Variants in RFTN1 observed in about 807,000 individuals in gnomAD.
RFTN1 encodes the protein raftlin.
In RFTN1, 26 loss-of-function variants were observed where a neutral mutation model predicts 46.5. The observed-to-expected ratio is 0.56, with a 90% CI of 0.41 to 0.78. RFTN1 has a LOEUF of 0.78. Ranked by LOEUF, RFTN1 falls within the 30% of genes least tolerant of loss-of-function variation. The probability of loss-of-function intolerance (pLI) is 0.00; values close to 1 mark genes in which losing one functional copy is unlikely to be tolerated. For synonymous variants in RFTN1, 261 were observed against 284.2 expected (o/e 0.92, Z 0.82); for missense variants, 693 against 718.7 (o/e 0.96, Z 0.41).
At chr3:16,445,964 TG>T (rs1203744571) in intron 2 of RFTN1, among the ~76,000 whole-genome samples, 2 of 151,848 alleles carry the variant, frequency 1.3e-5, no homozygotes, top group Non-Finnish European at 2.9e-5. Flanking sequence ...TAATTTCCAC[TG>T]GGCCAGAACC....
rs952977866 is a variant in RFTN1, at chr3:16,356,631, C to T, written c.1146+1301G>A. Among the ~76,000 whole-genome samples, 1 of 152,240 alleles carries T rather than the reference C, an allele frequency of 6.6e-6. No homozygotes were observed. The highest frequency in any genetic ancestry group is 1.5e-5 in the Non-Finnish European group (1 of 68,046). On this transcript the variant is annotated intron_variant, in intron 7 of 9. Coordinates refer to ENST00000334133, the MANE Select transcript of RFTN1 (RefSeq NM_015150.2). The surrounding 1 kb of genome is among the most constrained non-coding windows in gnomAD (Gnocchi z 4.9). Reference sequence around the variant, plus strand: ...ACTTCAATAACCAGGCAAGGGACTGCCTCAAGGCTGCAGTTCTGGCAGGCA... The same window carrying T: ...ACTTCAATAACCAGGCAAGGGACTGTCTCAAGGCTGCAGTTCTGGCAGGCA...
At position 16,327,653 on chromosome 3, in the gene RFTN1, C is replaced by T. The variant is rs948520647; in HGVS notation, c.1147-777G>A. ...GCGGGCGCCTGTAGTCCCAGCTACT[C>T]GGGAGGCTGAGGCAGGAGAATGGCG... On this transcript the variant is annotated intron_variant, in intron 7 of 9. Transcript: ENST00000334133. This position sits in a 1 kb window ranked among gnomAD's most constrained non-coding sequence, Gnocchi z 4.2. Among the ~76,000 whole-genome samples the T allele has an allele frequency of 4.0e-5, 6 of 151,604 alleles. No individual in the cohort carries two copies. The highest frequency in any genetic ancestry group is 3.9e-4 in the East Asian group (2 of 5,154).
At chr3:16,331,159 G>A (rs2070269612) in intron 7 of RFTN1, among the ~76,000 whole-genome samples, 2 of 152,182 alleles carry the variant, frequency 1.3e-5, no homozygotes, top group African/African-American at 2.4e-5. Flanking sequence ...CTGAGACCTT[G>A]CCTTTCACCA....
At chr3:16,462,501 C>T (rs1274182123) in intron 2 of RFTN1, among the ~76,000 whole-genome samples, 1 of 152,152 alleles carries the variant, frequency 6.6e-6, no homozygotes, top group Non-Finnish European at 1.5e-5. Flanking sequence ...CAGACAGGCA[C>T]AGAGAGTTTT....
chr3:16,397,593 G>GTT (rs1335309035), intron 4 of RFTN1, among the ~76,000 whole-genome samples: 2 of 152,066 alleles, frequency 1.3e-5, no homozygotes, highest in Non-Finnish European at 2.9e-5. Context: ...CCTTAAATAT[G>GTT]TACAATAAAA....
rs553822663 is a variant in RFTN1 at position 16,422,319 on chromosome 3, T to C, written c.332+11532A>G. Among the ~76,000 whole-genome samples the C allele has an allele frequency of 6.6e-6, 1 of 152,272 alleles. No homozygotes were observed. Among genetic ancestry groups the C allele is most frequent in the East Asian group, 1.9e-4 (1 of 5,194 alleles). On this transcript the variant is annotated intron_variant, in intron 3 of 9. Coordinates refer to ENST00000334133, the MANE Select transcript of RFTN1 (RefSeq NM_015150.2). The surrounding 1 kb of genome is among the most constrained non-coding windows in gnomAD (Gnocchi z 4.6). ...CATGGAAAAATCAACGTACAAAAGT[T>C]ATCAAGATCCTAAAAAAGAATAGTG...
chr3:16,423,871 G>A (rs2075242342), intron 3 of RFTN1, among the ~76,000 whole-genome samples: 2 of 152,292 alleles, frequency 1.3e-5, no homozygotes, highest in South Asian at 4.1e-4. Context: ...TACCTTAGCG[G>A]ACCCAAAAGA....
At chr3:16,423,072 G>A (rs1167139701) in intron 3 of RFTN1, among the ~76,000 whole-genome samples, 1 of 152,018 alleles carries the variant, frequency 6.6e-6, no homozygotes, top group Non-Finnish European at 1.5e-5. Context: ...GGAGGCTGAG[G>A]CAGGAGAATG....
In RFTN1 at chr3:16,400,765, A is replaced by G. The variant is rs1363467656; in HGVS notation, c.441+8610T>C. 2.6e-5 allele frequency among the ~76,000 whole-genome samples: 4 copies of G among 152,216 alleles called. No homozygotes were observed. The East Asian group carries it at 5.8e-4, about 22-fold the overall frequency. ...AGGAAGATCACAGGCTAATAAAAAT[A>G]GCAAGAGGACAGAGGATCAAGAGAG... On this transcript the variant is annotated intron_variant, in intron 4 of 9. Coordinates refer to ENST00000334133, the MANE Select transcript of RFTN1 (RefSeq NM_015150.2). The surrounding 1 kb of genome is among the most constrained non-coding windows in gnomAD (Gnocchi z 4.5).
At position 16,479,192 on chromosome 3, in the gene RFTN1, C is replaced by A. The variant is rs1229760583; in HGVS notation, c.145+14533G>T. Among the ~76,000 whole-genome samples, 1 of 152,164 alleles carries A rather than the reference C, an allele frequency of 6.6e-6. No individual in the cohort carries two copies. Among genetic ancestry groups the A allele is most frequent in the African/African-American group, 2.4e-5 (1 of 41,438 alleles). ...ATTCCTTGCAGGTAGGAGAACAAAA[C>A]CTTGGCTGGTTCACCCCTCAGGGAC... On this transcript the variant is annotated intron_variant, in intron 2 of 9. Coordinates refer to ENST00000334133, the MANE Select transcript of RFTN1 (RefSeq NM_015150.2). The surrounding 1 kb of genome is among the most constrained non-coding windows in gnomAD (Gnocchi z 5.1).
At chr3:16,487,925 C>T (rs868604655) in intron 2 of RFTN1, among the ~76,000 whole-genome samples, 3 of 152,232 alleles carry the variant, frequency 2.0e-5, no homozygotes, top group East Asian at 1.9e-4. Context: ...AAATTTAAGA[C>T]CCAATCAAAT....
At chr3:16,403,426 T>C (rs1452324776) in intron 4 of RFTN1, among the ~76,000 whole-genome samples, 1 of 149,980 alleles carries the variant, frequency 6.7e-6, no homozygotes, top group Non-Finnish European at 1.5e-5. Context: ...AGAGTAGACA[T>C]GAGCACTTCA....
chr3:16,510,911 A>C (rs2076889608), intron 1 of RFTN1, among the ~76,000 whole-genome samples: 1 of 152,378 alleles, frequency 6.6e-6, no homozygotes, highest in Admixed American at 6.5e-5. Context: ...GTATCCATTA[A>C]CAGAATATAC....
Position 16,376,817 on chromosome 3 carries a change from T to A in RFTN1, c.826+901A>T, listed in dbSNP as rs1256821463. The stretch of plus-strand genomic sequence containing the variant: ...AGTTCTGATGTAACAAAAGAAACTG[T>A]TTCTCCTTGTTTTCCCTTCTGGAAG... On this transcript the variant is annotated intron_variant, in intron 5 of 9. Coordinates refer to ENST00000334133, the MANE Select transcript of RFTN1 (RefSeq NM_015150.2). The surrounding 1 kb of genome is among the most constrained non-coding windows in gnomAD (Gnocchi z 4.7). Among the ~76,000 whole-genome samples the A allele has an allele frequency of 1.3e-5, 2 of 152,228 alleles. No individual in the cohort carries two copies. Among genetic ancestry groups the A allele is most frequent in the Non-Finnish European group, 2.9e-5 (2 of 68,038 alleles).
intron 2 of RFTN1, among the ~76,000 whole-genome samples, chr3:16,471,160 C>T (rs571271923): frequency 6.6e-6 from 1 of 152,100 alleles, no homozygotes; most frequent in Non-Finnish European, 1.5e-5. Flanking sequence ...TGATCAAAAC[C>T]CTATTGTTAA....
At position 16,326,911 on chromosome 3, in the gene RFTN1, G is replaced by T; in HGVS notation, c.1147-35C>A. On this transcript the variant is annotated intron_variant, in intron 7 of 9. Coordinates refer to ENST00000334133, the MANE Select transcript of RFTN1 (RefSeq NM_015150.2). Reference sequence around the variant, plus strand: ...CAAGGCCAGCATTAGGGCTGCTGCTGCCACAAGCCAACTCCCAGGCAATGA... The same window carrying T: ...CAAGGCCAGCATTAGGGCTGCTGCTTCCACAAGCCAACTCCCAGGCAATGA... 3 of 1,534,534 alleles carry T rather than the reference G, an allele frequency of 2.0e-6. No homozygotes were observed. In the East Asian group the frequency reaches 6.8e-5, roughly 35 times the overall value.
chr3:16,490,232 G>A (rs2076518287), intron 2 of RFTN1, among the ~76,000 whole-genome samples: 1 of 152,200 alleles, frequency 6.6e-6, no homozygotes, highest in African/African-American at 2.4e-5. Flanking sequence ...TAATCAAAAT[G>A]TCAAAAGGAC....
At position 16,466,549 on chromosome 3, in the gene RFTN1, C is replaced by T. The variant is rs907636113; in HGVS notation, c.145+27176G>A. 5.9e-5 allele frequency among the ~76,000 whole-genome samples: 9 copies of T among 152,210 alleles called. No homozygotes were observed. Among genetic ancestry groups the T allele is most frequent in the Non-Finnish European group, 8.8e-5 (6 of 68,040 alleles). The stretch of plus-strand genomic sequence containing the variant: ...GGCCGTTTCAGAGAAGCAGCCATTA[C>T]ACCCCTTTCCTTCTGGGCCTGAACT... On this transcript the variant is annotated intron_variant, in intron 2 of 9. Transcript: ENST00000334133. This position sits in a 1 kb window ranked among gnomAD's most constrained non-coding sequence, Gnocchi z 5.6.
At chr3:16,420,600 C>T (rs962331540) in intron 3 of RFTN1, among the ~76,000 whole-genome samples, 1 of 152,198 alleles carries the variant, frequency 6.6e-6, no homozygotes. Flanking sequence ...CCCACCTATA[C>T]CCACTAACTG....
Sources: gnomAD v4.1 joint callset for allele counts (sites outside exome capture counted in the v4.1 genomes callset) on GRCh38, gnomAD v4.1.1 for gene constraint, Gnocchi (gnomAD v3.1) non-coding constraint, MANE v1.5 for transcripts, NCBI Gene and HGNC (gene_info 2026-07-23, HGNC 2026-07-21) for gene names.